NTNG1: variants seen among roughly 807,000 people sequenced by gnomAD.
NTNG1 encodes the protein netrin G1, also known as netrin-G1.
Under a neutral mutation model 54.0 loss-of-function variants are expected in NTNG1, and 16 were observed. The observed-to-expected ratio is 0.30, with a 90% CI of 0.20 to 0.45. The LOEUF is 0.45. Ranked by LOEUF, NTNG1 falls within the 20% of genes least tolerant of loss-of-function variation. The probability of loss-of-function intolerance (pLI) is 1.00; values close to 1 mark genes in which losing one functional copy is unlikely to be tolerated. For synonymous variants in NTNG1, 255 were observed against 263.1 expected (o/e 0.97, Z 0.30); for missense variants, 530 against 678.7 (o/e 0.78, Z 2.43).
At chr1:107,454,432 T>G (rs936182916) in intron 7 of NTNG1, among the ~76,000 whole-genome samples, 1 of 152,172 alleles carries the variant, frequency 6.6e-6, no homozygotes, top group Non-Finnish European at 1.5e-5. Flanking sequence ...TAGACACTGC[T>G]GAGACATAGT....
intron 2 of NTNG1, among the ~76,000 whole-genome samples, chr1:107,248,514 G>T (rs1662350565): frequency 6.6e-6 from 1 of 152,134 alleles, no homozygotes; most frequent in African/African-American, 2.4e-5. Flanking sequence ...AGATTACCTA[G>T]CGTACTTTCA....
intron 1 of NTNG1, among the ~76,000 whole-genome samples, chr1:107,145,969 G>A (rs963127689): frequency 1.3e-5 from 2 of 151,978 alleles, no homozygotes; most frequent in African/African-American, 4.8e-5. Context: ...ACAAATGTAT[G>A]GTCACCCTTT....
intron 2 of NTNG1, among the ~76,000 whole-genome samples, chr1:107,151,496 T>C (rs1654568688): frequency 6.6e-6 from 1 of 152,110 alleles, no homozygotes; most frequent in African/African-American, 2.4e-5. Context: ...GCCACATGAG[T>C]ACAGCCACTG....
At chr1:107,278,483 T>C (rs1664625669) in intron 2 of NTNG1, among the ~76,000 whole-genome samples, 2 of 152,166 alleles carry the variant, frequency 1.3e-5, no homozygotes, top group Non-Finnish European at 2.9e-5. Flanking sequence ...TATTTTGTGT[T>C]TATTACTTTT....
At chr1:107,378,152 G>A (rs184882688) in intron 3 of NTNG1, among the ~76,000 whole-genome samples, 20 of 152,314 alleles carry the variant, frequency 1.3e-4, no homozygotes, top group Admixed American at 1.2e-3. Flanking sequence ...CCGAAGCTCA[G>A]AGAAATTAGA....
At chr1:107,430,341 C>T (rs1675182221) in intron 5 of NTNG1, among the ~76,000 whole-genome samples, 1 of 152,028 alleles carries the variant, frequency 6.6e-6, no homozygotes, top group Non-Finnish European at 1.5e-5. Flanking sequence ...CACACAGTCC[C>T]CTCTCACTTT....
At chr1:107,217,538 A>G (rs2101437308) in intron 2 of NTNG1, among the ~76,000 whole-genome samples, 1 of 151,922 alleles carries the variant, frequency 6.6e-6, no homozygotes, top group Non-Finnish European at 1.5e-5. Flanking sequence ...TTGAGGTGGG[A>G]CCTTAGATTG....
intron 7 of NTNG1, among the ~76,000 whole-genome samples, chr1:107,457,023 A>T (rs942405366): frequency 6.6e-6 from 1 of 152,224 alleles, no homozygotes. Flanking sequence ...TTTTTATTCT[A>T]TCATGATTAT....
At position 107,315,092 on chromosome 1, in the gene NTNG1, C is replaced by A. The variant is rs1223404030; in HGVS notation, c.247-9190C>A. The stretch of plus-strand genomic sequence containing the variant: ...CCTTCCAACTCAGTAAAAAGTACCA[C>A]CAAACACCTACTTGGTCACTCCAGA... On this transcript the variant is annotated intron_variant, in intron 2 of 7. Transcript: ENST00000370068. 2.0e-5 allele frequency among the ~76,000 whole-genome samples: 3 copies of A among 152,180 alleles called. No individual in the cohort carries two copies. The East Asian group carries it at 5.8e-4, about 29-fold the overall frequency.
At chr1:107,154,996 C>T (rs1445649231) in intron 2 of NTNG1, among the ~76,000 whole-genome samples, 1 of 152,000 alleles carries the variant, frequency 6.6e-6, no homozygotes, top group Non-Finnish European at 1.5e-5. Flanking sequence ...CTGAAGTTAC[C>T]TCCTTCAGTC....
intron 3 of NTNG1, among the ~76,000 whole-genome samples, chr1:107,344,526 T>C (rs1233230761): frequency 6.6e-6 from 1 of 152,152 alleles, no homozygotes; most frequent in Non-Finnish European, 1.5e-5. Context: ...TTGCTGATAT[T>C]TAGTGACACA....
intron 3 of NTNG1, among the ~76,000 whole-genome samples, chr1:107,384,994 G>A (rs1339683552): frequency 1.3e-5 from 2 of 152,188 alleles, no homozygotes; most frequent in East Asian, 1.9e-4. Flanking sequence ...ATAGAATGCT[G>A]AACAGATTGG....
At chr1:107,236,002 CACAGAAT>C (rs1295196234) in intron 2 of NTNG1, among the ~76,000 whole-genome samples, 1 of 152,156 alleles carries the variant, frequency 6.6e-6, no homozygotes, top group Non-Finnish European at 1.5e-5. Flanking sequence ...AGCTGTAAGA[CACAGAAT>C]CTCAAAGTCA....
intron 2 of NTNG1, among the ~76,000 whole-genome samples, chr1:107,275,370 G>A (rs1046489239): frequency 3.2e-4 from 48 of 151,950 alleles, no homozygotes; most frequent in African/African-American, 9.9e-4. Context: ...GCGAGACTCC[G>A]TCTCAAAAAA....
intron 2 of NTNG1, among the ~76,000 whole-genome samples, chr1:107,194,330 A>G (rs1553198933): frequency 6.6e-6 from 1 of 152,046 alleles, no homozygotes; most frequent in Non-Finnish European, 1.5e-5. Flanking sequence ...CATTCACAGC[A>G]TTCTTCTGCC....
chr1:107,411,551 G>A (rs998946837), intron 5 of NTNG1, among the ~76,000 whole-genome samples: 5 of 152,056 alleles, frequency 3.3e-5, no homozygotes, highest in East Asian at 1.9e-4. Context: ...ATTAATAATC[G>A]CATTCATGTT....
At chr1:107,260,260 G>C (rs1370233408) in intron 2 of NTNG1, among the ~76,000 whole-genome samples, 1 of 152,212 alleles carries the variant, frequency 6.6e-6, no homozygotes, top group Admixed American at 6.5e-5. Flanking sequence ...TGAGAAGAGT[G>C]ATTTTTGCCA....
At chr1:107,169,337 T>C (rs1473776669) in intron 2 of NTNG1, among the ~76,000 whole-genome samples, 1 of 152,180 alleles carries the variant, frequency 6.6e-6, no homozygotes, top group African/African-American at 2.4e-5. Flanking sequence ...TTCATTATTA[T>C]TAAAGATTTA....
chr1:107,191,777 A>G (rs1657953766), intron 2 of NTNG1, among the ~76,000 whole-genome samples: 5 of 151,486 alleles, frequency 3.3e-5, no homozygotes. Context: ...GTTCTGTTCC[A>G]TTGGTCTATA....
Sources: allele counts gnomAD v4.1 joint callset (sites outside exome capture counted in the v4.1 genomes callset), GRCh38; gene constraint gnomAD v4.1.1; transcripts MANE v1.5; gene names NCBI Gene and HGNC (gene_info 2026-07-23, HGNC 2026-07-21).